The following IRAK1BP1 variants were observed in gnomAD, a reference collection of about 807,000 sequenced individuals.
IRAK1BP1 encodes the protein interleukin-1 receptor-associated kinase 1-binding protein 1.
A neutral mutation model predicts 28.0 loss-of-function variants in IRAK1BP1; 24 were observed. The observed-to-expected ratio is 0.86, with a 90% confidence interval of 0.62 to 1.20. The LOEUF (loss-of-function observed/expected upper bound fraction) is 1.20, where lower values mean the gene tolerates loss of function less well. Ranked by LOEUF, IRAK1BP1 falls within the 50% of genes most tolerant of loss-of-function variation. The probability of loss-of-function intolerance (pLI) is 0.00; values close to 1 mark genes in which losing one functional copy is unlikely to be tolerated. For synonymous variants in IRAK1BP1, 131 were observed against 116.3 expected (o/e 1.13, Z -0.81); for missense variants, 336 against 316.7 (o/e 1.06, Z -0.46).
chr6:78,955,646 A>G, the IRAK1BP1 span: 1 of 1,099,170 alleles, frequency 9.1e-7, no homozygotes, highest in Non-Finnish European at 1.4e-6. Context: ...TCTTCATTGA[A>G]TTATAAAGTG....
At chr6:78,928,825 A>G (rs1335055980) in intron 4 of IRAK1BP1, among the ~76,000 whole-genome samples, 3 of 152,108 alleles carry the variant, frequency 2.0e-5, no homozygotes, top group Admixed American at 2.0e-4. Flanking sequence ...ATTGATTTGT[A>G]TATGTTGACC....
the IRAK1BP1 span, among the ~76,000 whole-genome samples, chr6:78,978,334 A>C: frequency 6.3e-4 from 96 of 152,130 alleles, 1 homozygote; most frequent in South Asian, 8.1e-3. Flanking sequence ...GGCAATAAAA[A>C]CCTCTTACTA....
downstream of IRAK1BP1, chr6:78,946,895 T>G: frequency 2.7e-6 from 4 of 1,495,098 alleles, no homozygotes; most frequent in Non-Finnish European, 3.6e-6. Context: ...AAAAAAAAAG[T>G]GTTCAACCAT....
At chr6:78,978,838 T>C in the IRAK1BP1 span, 2 of 661,350 alleles carry the variant, frequency 3.0e-6, no homozygotes, top group African/African-American at 1.8e-5. Context: ...CAATATTATA[T>C]ACAGTTGGCC....
chr6:78,945,269 T>A (rs756688401), intron 4 of IRAK1BP1: 24 of 1,432,584 alleles, frequency 1.7e-5, no homozygotes, highest in Non-Finnish European at 2.3e-5. Flanking sequence ...AAGGATCTAC[T>A]GTATCTTGAA....
At chr6:78,935,495 G>A (rs1773243331) in intron 4 of IRAK1BP1, 1 of 978,684 alleles carries the variant, frequency 1.0e-6, no homozygotes, top group Non-Finnish European at 1.2e-6. Flanking sequence ...TTTATGCAAA[G>A]TGTTCCACTG....
chr6:78,893,286 G>A (rs111453313), intron 2 of IRAK1BP1, among the ~76,000 whole-genome samples: 4,180 of 126,494 alleles, frequency 0.033, 249 homozygotes, highest in African/African-American at 0.11. Context: ...ATATATGTGT[G>A]TATATATGTG....
Position 78,945,416 on chromosome 6 carries a change from C to A in IRAK1BP1, c.*76C>A, listed in dbSNP as rs1473065581. ...CATGTTTTCTTTTGCAGAATTATTC[C>A]TAGTGCCATGACTAAAACTGGATTG... is the stretch of plus-strand genomic sequence containing the variant. On this transcript the variant is annotated 3_prime_UTR_variant and NMD_transcript_variant, in exon 5 of 5. Coordinates refer to the IRAK1BP1 transcript ENST00000606868. The A allele has an allele frequency of 1.2e-6, 2 of 1,611,538 alleles. No homozygotes were observed. Among genetic ancestry groups the A allele is most frequent in the Admixed American group, 3.3e-5 (2 of 59,990 alleles).
At chr6:78,932,410 T>G (rs1773073390) in intron 4 of IRAK1BP1, among the ~76,000 whole-genome samples, 1 of 137,480 alleles carries the variant, frequency 7.3e-6, no homozygotes, top group African/African-American at 2.7e-5. Flanking sequence ...GTATTTCTTT[T>G]CTTTCTTTTT....
Position 78,893,085 on chromosome 6 carries a change from G to GA in IRAK1BP1, c.382-4734dup, listed in dbSNP as rs1192338439. The stretch of plus-strand genomic sequence containing the variant: ...CAACTAACCCTAAGCACAAGAAATT[G>GA]AAAAAAAAAATGCACCAGTACACAT... On this transcript the variant is annotated intron_variant, in intron 2 of 3. Transcript: ENST00000369940. 3.4e-3 allele frequency among the ~76,000 whole-genome samples: 479 copies of GA among 142,798 alleles called. 2 individuals carry two copies. Among genetic ancestry groups the GA allele is most frequent in the African/African-American group, 9.6e-3 (375 of 38,986 alleles). 93.7% of individuals were successfully genotyped at this position (142,798 alleles called of 152,430 possible).
At chr6:78,886,126 T>G (rs1771427101) in intron 2 of IRAK1BP1, among the ~76,000 whole-genome samples, 1 of 152,128 alleles carries the variant, frequency 6.6e-6, no homozygotes, top group Non-Finnish European at 1.5e-5. Flanking sequence ...ATCTTGTATA[T>G]CAAATGAGAG....
chr6:78,963,154 G>T, the IRAK1BP1 span: 1 of 1,610,032 alleles, frequency 6.2e-7, no homozygotes, highest in Non-Finnish European at 8.5e-7. Flanking sequence ...TCATCCCTGG[G>T]ATTGGTACCC....
chr6:78,971,766 C>G, the IRAK1BP1 span, among the ~76,000 whole-genome samples: 1 of 152,154 alleles, frequency 6.6e-6, no homozygotes, highest in African/African-American at 2.4e-5. Flanking sequence ...AAAGGGGTGA[C>G]GGACGGCACC....
At chr6:78,955,271 T>C in the IRAK1BP1 span, 2 of 1,609,364 alleles carry the variant, frequency 1.2e-6, no homozygotes, top group South Asian at 2.2e-5. Context: ...CATCAGCATC[T>C]TTCTCTTCAT....
chr6:78,869,572 G>C (rs1770718850), intron 1 of IRAK1BP1, among the ~76,000 whole-genome samples: 1 of 152,152 alleles, frequency 6.6e-6, no homozygotes, highest in East Asian at 1.9e-4. Flanking sequence ...TCAAGATTCA[G>C]TGTTCAAGGC....
At chr6:78,948,374 G>C (rs1773942911), downstream of IRAK1BP1, among the ~76,000 whole-genome samples, 1 of 152,158 alleles carries the variant, frequency 6.6e-6, no homozygotes, top group Admixed American at 6.5e-5. Context: ...TTAGGTAACA[G>C]ATTGGAACCA....
the IRAK1BP1 span, chr6:78,958,129 G>C: frequency 6.0e-6 from 1 of 167,524 alleles, no homozygotes; most frequent in Non-Finnish European, 1.3e-5. Context: ...GGTTAGAAGA[G>C]TTAATGTAGG....
chr6:78,910,035 C>A (rs1169938185), intron 4 of IRAK1BP1, among the ~76,000 whole-genome samples: 1 of 152,182 alleles, frequency 6.6e-6, no homozygotes, highest in Non-Finnish European at 1.5e-5. Context: ...GTCTGAAAGG[C>A]AGGCCTTGAC....
chr6:78,902,989 C>G lies in IRAK1BP1; in HGVS notation c.*4655C>G, dbSNP rs1208810385. 9.0e-6 allele frequency: 13 copies of G among 1,444,380 alleles called. No individual in the cohort carries two copies. The South Asian group carries it at 1.6e-4, about 18-fold the overall frequency. 89.5% of individuals were successfully genotyped at this position (1,444,380 alleles called of 1,614,324 possible). Reference sequence around the variant, plus strand: ...GTTTATCAGAAGGATATTTCTGTTTCAGCAACTCCTGGAATCCTTCTTCAA... The same window carrying G: ...GTTTATCAGAAGGATATTTCTGTTTGAGCAACTCCTGGAATCCTTCTTCAA... On this transcript the variant is annotated 3_prime_UTR_variant, in exon 4 of 4. Transcript: ENST00000369940.
Sources: allele counts gnomAD v4.1 joint callset (sites outside exome capture counted in the v4.1 genomes callset), GRCh38; gene constraint gnomAD v4.1.1; transcripts MANE v1.5; gene names NCBI Gene and HGNC (gene_info 2026-07-23, HGNC 2026-07-21).